The following MARF1 variants were observed in gnomAD, a reference collection of about 807,000 sequenced individuals.
The protein encoded by MARF1 is meiosis regulator and mRNA stability factor 1.
A neutral mutation model predicts 168.2 loss-of-function variants in MARF1; 24 were observed. That is an observed-to-expected ratio of 0.14 (90% CI 0.10 to 0.20). MARF1 has a LOEUF of 0.20. MARF1 is among the 10% of genes least tolerant of loss of function. MARF1 has a pLI of 1.00. For synonymous variants in MARF1, 868 were observed against 822.4 expected (o/e 1.06, Z -0.95); for missense variants, 1,744 against 2,143.6 (o/e 0.81, Z 3.68).
At chr16:15,642,806 A>C (rs1410316847) in intron 1 of MARF1, among the ~76,000 whole-genome samples, 2 of 152,198 alleles carry the variant, frequency 1.3e-5, no homozygotes, top group Non-Finnish European at 2.9e-5. Context: ...AGCGGCGCCA[A>C]CAGTGACAGT....
intron 16 of MARF1, among the ~76,000 whole-genome samples, chr16:15,614,680 C>A (rs1432596569): frequency 4.6e-5 from 7 of 151,776 alleles, no homozygotes; most frequent in South Asian, 2.1e-4. Context: ...GTAGTCCCAG[C>A]TCCTCAGGAG....
At chr16:15,617,953 C>A (rs1439186420) in intron 13 of MARF1, among the ~76,000 whole-genome samples, 1 of 152,284 alleles carries the variant, frequency 6.6e-6, no homozygotes, top group East Asian at 1.9e-4. Flanking sequence ...ACTGCATGAT[C>A]CACACACCCT....
intron 22 of MARF1, chr16:15,602,447 G>A (rs568627665): frequency 6.8e-5 from 41 of 601,606 alleles, no homozygotes; most frequent in South Asian, 6.7e-4. Flanking sequence ...AGACAAAAAC[G>A]AAGATAAAGA....
At chr16:15,615,255 G>A (rs2033947574) in intron 16 of MARF1, among the ~76,000 whole-genome samples, 1 of 152,122 alleles carries the variant, frequency 6.6e-6, no homozygotes, top group Non-Finnish European at 1.5e-5. Flanking sequence ...CAGCATTTTG[G>A]GAGGCCATAG....
chr16:15,628,290 C>T (rs185990416), intron 7 of MARF1, among the ~76,000 whole-genome samples: 1 of 152,144 alleles, frequency 6.6e-6, no homozygotes, highest in East Asian at 1.9e-4. Flanking sequence ...AGGGCAATAC[C>T]AAAATATTAA....
intron 3 of MARF1, chr16:15,635,319 G>T: frequency 2.4e-6 from 1 of 408,854 alleles, no homozygotes; most frequent in Non-Finnish European, 4.3e-6. Context: ...TACCTTACAT[G>T]AATGGGCCCA....
intron 25 of MARF1, among the ~76,000 whole-genome samples, 200 bp downstream of exon 25, chr16:15,600,228 C>T (rs910837833): frequency 6.6e-6 from 1 of 152,158 alleles, no homozygotes; most frequent in Non-Finnish European, 1.5e-5. Context: ...TTTAACCAGT[C>T]AACCATGCAA....
Position 15,615,831 on chromosome 16 carries a change from A to G in MARF1, c.3252T>C (p.Thr1084=), listed in dbSNP as rs1480080546. 2 of 1,542,882 alleles carry G rather than the reference A, an allele frequency of 1.3e-6. No homozygotes were observed. The highest frequency in any genetic ancestry group is 1.4e-5 in the African/African-American group (1 of 72,254). The change falls in exon 16 of 27, where the codon ACT becomes ACC. Residue 1084 remains threonine, a splice_region_variant and synonymous_variant. Coordinates refer to ENST00000396368, the MANE Select transcript of MARF1 (RefSeq NM_014647.4). ...WIHNKPPPPN[T]DPWLLRSKSP... ...CAGGACAAAATACCTGACACCTACCAGTGTTGGGAGGCGGGGGCTTGTTGT... is the reference window on the plus strand; with the variant it reads ...CAGGACAAAATACCTGACACCTACCGGTGTTGGGAGGCGGGGGCTTGTTGT...
Position 15,598,806 on chromosome 16 carries a change from T to C in MARF1, c.4984+48A>G, listed in dbSNP as rs1363421902. The C allele has an allele frequency of 2.0e-5, 31 of 1,571,898 alleles. 1 individual carries two copies. The Admixed American group carries it at 5.0e-4, about 26-fold the overall frequency. On this transcript the variant is annotated intron_variant, in intron 26 of 26. Coordinates refer to ENST00000396368, the MANE Select transcript of MARF1 (RefSeq NM_014647.4). ...CTATATCAGTATCTCATCGTGGTTT[T>C]GTTTTAAACCCCGAAGAAAATCCCC...
intron 10 of MARF1, among the ~76,000 whole-genome samples, chr16:15,624,344 T>C (rs1324361894): frequency 6.6e-6 from 1 of 152,230 alleles, no homozygotes; most frequent in Non-Finnish European, 1.5e-5. Context: ...CAAGAATTCC[T>C]TGGTGTGAGA....
At chr16:15,613,689 A>AAATAAATAAATAAATAAAATAAAT (rs10657514) in intron 16 of MARF1, among the ~76,000 whole-genome samples, 1 of 63,946 alleles carries the variant, frequency 1.6e-5, no homozygotes, top group African/African-American at 9.3e-5. Flanking sequence ...ATAAATAAAT[A>AAATAAATAAATAAATAAAATAAAT]AAATAAAATA....
intron 13 of MARF1, 33 bp downstream of exon 13, chr16:15,620,418 T>C (rs2034372661): frequency 1.4e-6 from 2 of 1,412,110 alleles, no homozygotes; most frequent in Non-Finnish European, 2.0e-6. Context: ...CAATCAGTAC[T>C]GACTGGATAA....
Position 15,602,493 on chromosome 16 carries a change from A to G in MARF1, c.4414-290T>C, listed in dbSNP as rs1040519775. ...GAAGACAAAGAACAAGAAGACGAAG[A>G]CAAGACGAAGACGACGATGAAGAAG... On this transcript the variant is annotated intron_variant, in intron 22 of 26. Coordinates refer to ENST00000396368, the MANE Select transcript of MARF1 (RefSeq NM_014647.4). The G allele has an allele frequency of 3.7e-5, 21 of 572,148 alleles. No individual in the cohort carries two copies. In the Admixed American group the frequency reaches 5.8e-4, roughly 16 times the overall value. 35.4% of individuals were successfully genotyped at this position (572,148 alleles called of 1,614,324 possible).
chr16:15,629,601 T>C (rs2035113756), intron 7 of MARF1, among the ~76,000 whole-genome samples: 1 of 152,250 alleles, frequency 6.6e-6, no homozygotes, highest in Non-Finnish European at 1.5e-5. Context: ...CGTATGGGAT[T>C]GCCCACTCTC....
intron 13 of MARF1, 38 bp downstream of exon 13, chr16:15,620,413 A>G (rs374985486): frequency 6.7e-5 from 87 of 1,301,652 alleles, no homozygotes; most frequent in Non-Finnish European, 8.8e-5. Context: ...GCCACCAATC[A>G]GTACTGACTG....
At chr16:15,623,333 G>A (rs2034604359) in intron 10 of MARF1, among the ~76,000 whole-genome samples, 1 of 134,174 alleles carries the variant, frequency 7.5e-6, no homozygotes, top group Non-Finnish European at 1.5e-5. Flanking sequence ...AGGCTGGAGT[G>A]CAATGGCACG....
At position 15,611,224 on chromosome 16, in the gene MARF1, C is replaced by T. The variant is rs543435788; in HGVS notation, c.3618-116G>A. 1.7e-5 allele frequency: 16 copies of T among 938,762 alleles called. No individual in the cohort carries two copies. In the African/African-American group the frequency reaches 2.0e-4, roughly 12 times the overall value. The allele number at this position is 938,762 out of a possible 1,614,324, so 58.2% of individuals were successfully genotyped here. On this transcript the variant is annotated intron_variant, in intron 18 of 26. Transcript: ENST00000396368. ...CTGTAATCCCAGCACTTTGGGAGGC[C>T]GAGGTGGACGGATCACGAGGTCAAG...
chr16:15,625,143 G>C lies in MARF1; in HGVS notation c.1984C>G (p.His662Asp), dbSNP rs1187804820. 1.9e-6 allele frequency: 3 copies of C among 1,613,966 alleles called. No individual in the cohort carries two copies. Among genetic ancestry groups the C allele is most frequent in the Non-Finnish European group, 2.5e-6 (3 of 1,180,022 alleles). ...ELCRMESKTG[H>D]RNSEHQQGHL... is the part of the protein sequence containing the mutation. ...CCTTGCTGGTGCTCACTGTTTCTAT[G>C]ACCAGTTTTTGACTCCATGCGGCAC... The change falls in exon 9 of 27, where the codon CAT becomes GAT. Residue 662 changes from histidine to aspartate, a missense_variant. By Grantham distance (81) the His-to-Asp change is moderately conservative. Transcript: ENST00000396368.
In MARF1 at chr16:15,633,687, G is replaced by A. The variant is rs2035399708; in HGVS notation, c.1163C>T (p.Ala388Val). Reference sequence around the variant, plus strand: ...GATGTCACATACACAGATGAATTCTGCTTCTCTGTGGCCTTTAAAAAACTT... The same window carrying A: ...GATGTCACATACACAGATGAATTCTACTTCTCTGTGGCCTTTAAAAAACTT... The part of the protein sequence containing the change: ...REKFFKGHRE[A>V]EFICVCDISK... The change falls in exon 5 of 27, where the codon GCA (alanine) becomes GTA (valine). Residue 388 changes from alanine to valine, a missense_variant. Transcript: ENST00000396368. 1.9e-6 allele frequency: 3 copies of A among 1,613,452 alleles called. No individual in the cohort carries two copies. The highest frequency in any genetic ancestry group is 8.5e-7 in the Non-Finnish European group (1 of 1,179,864).
Sources: allele counts gnomAD v4.1 joint callset (sites outside exome capture counted in the v4.1 genomes callset), GRCh38; gene constraint gnomAD v4.1.1; transcripts MANE v1.5; gene names NCBI Gene and HGNC (gene_info 2026-07-23, HGNC 2026-07-21).